The following NXPE2 variants were observed in gnomAD, a reference collection of about 807,000 sequenced individuals.
NXPE2 encodes NXPE family member 2.
NXPE2 carries 34 observed loss-of-function variants against 34.4 expected under a neutral mutation model. The ratio of observed to expected loss-of-function variants is 0.99; its 90% CI spans 0.75 to 1.31. The LOEUF (loss-of-function observed/expected upper bound fraction) is 1.31, where lower values mean the gene tolerates loss of function less well. Among genes scored for constraint, NXPE2 ranks in the 40% most tolerant of loss-of-function variants. NXPE2 has a pLI of 0.00. For missense variants in NXPE2, 649 were observed against 672.5 expected (o/e 0.97, Z 0.39); for synonymous variants, 235 against 231.3 (o/e 1.02, Z -0.15).
the NXPE2 span, among the ~76,000 whole-genome samples, chr11:114,557,625 T>C: frequency 1.7e-4 from 19 of 113,944 alleles, no homozygotes; most frequent in African/African-American, 3.1e-4. Context: ...CAATATATTA[T>C]ATATAATACA....
the NXPE2 span, among the ~76,000 whole-genome samples, chr11:114,799,291 C>CAA: frequency 0.043 from 4,020 of 94,112 alleles, 108 homozygotes; most frequent in East Asian, 0.11. Flanking sequence ...GGCAATGAAG[C>CAA]AAAAAAAAAA....
chr11:114,648,120 C>T, the NXPE2 span, among the ~76,000 whole-genome samples: 14 of 152,094 alleles, frequency 9.2e-5, no homozygotes, highest in Admixed American at 3.3e-4. Context: ...CTTAGAATCT[C>T]CTAATGATAG....
chr11:114,601,140 T>C, the NXPE2 span, among the ~76,000 whole-genome samples: 5 of 151,974 alleles, frequency 3.3e-5, no homozygotes, highest in East Asian at 1.9e-4. Context: ...TTTTTGGTTA[T>C]GTGGATGAAT....
At chr11:114,629,057 G>A in the NXPE2 span, among the ~76,000 whole-genome samples, 1 of 152,028 alleles carries the variant, frequency 6.6e-6, no homozygotes, top group African/African-American at 2.4e-5. Context: ...AAGAGTCCAG[G>A]ACCAGATGGA....
At chr11:114,486,772 T>C in the NXPE2 span, among the ~76,000 whole-genome samples, 6 of 152,164 alleles carry the variant, frequency 3.9e-5, no homozygotes, top group African/African-American at 1.2e-4. Context: ...CCAATGTATA[T>C]TCTTGGTACC....
the NXPE2 span, among the ~76,000 whole-genome samples, chr11:114,753,833 T>C: frequency 6.6e-6 from 1 of 152,208 alleles, no homozygotes; most frequent in Non-Finnish European, 1.5e-5. Context: ...AGGCCAGATG[T>C]TACTGAGATT....
the NXPE2 span, among the ~76,000 whole-genome samples, chr11:114,503,463 A>G: frequency 3.4e-3 from 525 of 152,310 alleles, 3 homozygotes; most frequent in African/African-American, 0.011. Flanking sequence ...AAAATGTTGT[A>G]TCCAGGAAAC....
the NXPE2 span, among the ~76,000 whole-genome samples, chr11:114,511,038 C>A: frequency 6.6e-6 from 1 of 151,974 alleles, no homozygotes; most frequent in South Asian, 2.1e-4. Flanking sequence ...TACTACCAAC[C>A]TAGGAAATTA....
the NXPE2 span, chr11:114,580,327 C>A: frequency 6.2e-7 from 1 of 1,613,792 alleles, no homozygotes. Flanking sequence ...TCTTTCATTG[C>A]AACTGTTTCT....
the NXPE2 span, among the ~76,000 whole-genome samples, chr11:114,585,574 G>T: frequency 6.6e-6 from 1 of 151,970 alleles, no homozygotes; most frequent in Non-Finnish European, 1.5e-5. Flanking sequence ...TTCATCAAGA[G>T]AAAATGACAA....
the NXPE2 span, among the ~76,000 whole-genome samples, chr11:114,638,737 C>A: frequency 8.6e-5 from 13 of 151,916 alleles, no homozygotes; most frequent in Non-Finnish European, 1.9e-4. Context: ...TACTCCAGAC[C>A]CTGTTTGCCT....
At chr11:114,563,302 A>C in the NXPE2 span, among the ~76,000 whole-genome samples, 2 of 152,148 alleles carry the variant, frequency 1.3e-5, no homozygotes, top group African/African-American at 2.4e-5. Context: ...ATCTCTCAGG[A>C]AGCTTTTCTG....
chr11:114,597,477 T>A, the NXPE2 span, among the ~76,000 whole-genome samples: 1 of 152,226 alleles, frequency 6.6e-6, no homozygotes. Flanking sequence ...GGAATTAGAA[T>A]AATCAGTATG....
chr11:114,488,188 T>G, the NXPE2 span, among the ~76,000 whole-genome samples: 1 of 152,200 alleles, frequency 6.6e-6, no homozygotes, highest in Non-Finnish European at 1.5e-5. Context: ...TACTTGTGAT[T>G]GGCCTATTTA....
chr11:114,597,122 T>C, the NXPE2 span, among the ~76,000 whole-genome samples: 1 of 152,158 alleles, frequency 6.6e-6, no homozygotes, highest in Non-Finnish European at 1.5e-5. Context: ...AAGGATAGAC[T>C]CTGATTAATT....
At chr11:114,808,329 G>C in the NXPE2 span, among the ~76,000 whole-genome samples, 12 of 151,172 alleles carry the variant, frequency 7.9e-5, no homozygotes, top group Non-Finnish European at 1.3e-4. Flanking sequence ...CAGAAGGCAA[G>C]AAATAACTAA....
Position 114,698,592 on chromosome 11 carries a change from T to C in NXPE2, c.680T>C (p.Val227Ala), listed in dbSNP as rs1393034904. 5 of 1,614,164 alleles carry C rather than the reference T, an allele frequency of 3.1e-6. No individual in the cohort carries two copies. The highest frequency in any genetic ancestry group is 4.2e-6 in the Non-Finnish European group (5 of 1,180,014). Reference sequence around the variant, plus strand: ...CTGTTTGCCAACAGAAGCTCCAATGTCTTCACTGAATGTGGCCTGACCCTA... The same window carrying C: ...CTGTTTGCCAACAGAAGCTCCAATGCCTTCACTGAATGTGGCCTGACCCTA... ...TGLFANRSSN[V>A]FTECGLTLNT... The change falls in exon 3 of 6, where the codon GTC (valine) becomes GCC (alanine). Residue 227 changes from valine (V) to alanine (A), a missense_variant. Coordinates refer to ENST00000389586, the MANE Select transcript of NXPE2 (RefSeq NM_182495.6).
chr11:114,470,993 T>A, the NXPE2 span, among the ~76,000 whole-genome samples: 1 of 152,236 alleles, frequency 6.6e-6, no homozygotes, highest in African/African-American at 2.4e-5. Flanking sequence ...ACAGGTTGTT[T>A]GTTTTCTTAC....
the NXPE2 span, chr11:114,582,723 T>C: frequency 3.1e-6 from 5 of 1,614,132 alleles, no homozygotes; most frequent in South Asian, 1.1e-5. Flanking sequence ...CCCGCCATAT[T>C]GCTTCCTGCG....
Sources: allele counts gnomAD v4.1 joint callset (sites outside exome capture counted in the v4.1 genomes callset), GRCh38; gene constraint gnomAD v4.1.1; transcripts MANE v1.5; gene names NCBI Gene and HGNC (gene_info 2026-07-23, HGNC 2026-07-21).